Variants in SPOCK3 observed in about 807,000 individuals in gnomAD.
The protein encoded by SPOCK3 is testican-3.
Under a neutral mutation model 56.6 loss-of-function variants are expected in SPOCK3, and 30 were observed. The ratio of observed to expected loss-of-function variants is 0.53; its 90% CI spans 0.40 to 0.72. The LOEUF (loss-of-function observed/expected upper bound fraction) is 0.72, where lower values mean the gene tolerates loss of function less well. SPOCK3 is among the 30% of genes least tolerant of loss of function. SPOCK3 has a pLI of 0.00. For synonymous variants in SPOCK3, 196 were observed against 183.3 expected, an observed-to-expected ratio of 1.07 and a Z score of -0.56; for missense variants, 527 against 530.0, an observed-to-expected ratio of 0.99 and a Z score of 0.06.
chr4:166,949,587 G>C (rs1027799037), intron 4 of SPOCK3, among the ~76,000 whole-genome samples: 1 of 152,116 alleles, frequency 6.6e-6, no homozygotes, highest in African/African-American at 2.4e-5. Context: ...ACGTCTGTTG[G>C]AGTTTCCTAG....
At chr4:166,766,798 G>T (rs1484737702) in intron 7 of SPOCK3, among the ~76,000 whole-genome samples, 1 of 152,104 alleles carries the variant, frequency 6.6e-6, no homozygotes, top group South Asian at 2.1e-4. Flanking sequence ...GTAGAATTTG[G>T]CTGTGAATCC....
chr4:167,092,489 A>G (rs1238773507), intron 2 of SPOCK3, among the ~76,000 whole-genome samples: 1 of 152,128 alleles, frequency 6.6e-6, no homozygotes, highest in Non-Finnish European at 1.5e-5. Context: ...CTGATTTGAT[A>G]AAATGTATTT....
intron 4 of SPOCK3, among the ~76,000 whole-genome samples, chr4:166,941,889 A>C (rs906237826): frequency 2.0e-5 from 3 of 152,188 alleles, no homozygotes; most frequent in African/African-American, 7.2e-5. Flanking sequence ...ACTCCAGCCT[A>C]GCCAAAGCTT....
At chr4:166,994,485 G>A (rs1748148476) in intron 4 of SPOCK3, among the ~76,000 whole-genome samples, 1 of 152,108 alleles carries the variant, frequency 6.6e-6, no homozygotes, top group Non-Finnish European at 1.5e-5. Flanking sequence ...ATTTCCTGCT[G>A]TAAGAAATCT....
intron 2 of SPOCK3, among the ~76,000 whole-genome samples, chr4:167,225,772 A>T (rs1231348259): frequency 6.8e-6 from 1 of 147,412 alleles, no homozygotes; most frequent in Non-Finnish European, 1.5e-5. Flanking sequence ...CTCGCATGTT[A>T]AGAAAAAAAA....
intron 2 of SPOCK3, among the ~76,000 whole-genome samples, chr4:167,128,305 CCAAA>C (rs575563228): frequency 1.2e-3 from 178 of 152,248 alleles, no homozygotes; most frequent in Non-Finnish European, 1.0e-3. Flanking sequence ...TCTTTTATTG[CCAAA>C]CAAAGGCTTT....
intron 7 of SPOCK3, among the ~76,000 whole-genome samples, chr4:166,773,287 C>G (rs562642184): frequency 5.3e-5 from 8 of 152,134 alleles, no homozygotes; most frequent in African/African-American, 1.9e-4. Flanking sequence ...TTAAGCAAAA[C>G]CTTTGTAAGT....
At chr4:166,869,177 G>GTGCTGCTAAAAGGA (rs140320780) in intron 6 of SPOCK3, among the ~76,000 whole-genome samples, 11,644 of 152,060 alleles carry the variant, frequency 0.077, 531 homozygotes, top group Non-Finnish European at 0.1. Flanking sequence ...TGCAGGATCA[G>GTGCTGCTAAAAGGA]CAGGAATAGC....
chr4:167,005,143 G>A (rs562051627), intron 3 of SPOCK3, among the ~76,000 whole-genome samples: 8 of 152,182 alleles, frequency 5.3e-5, no homozygotes, highest in South Asian at 2.1e-4. Flanking sequence ...AACAGAGAAC[G>A]CAGGCACCAT....
intron 8 of SPOCK3, among the ~76,000 whole-genome samples, chr4:166,745,576 TA>T (rs1203220345): frequency 6.6e-6 from 1 of 152,178 alleles, no homozygotes; most frequent in Non-Finnish European, 1.5e-5. Flanking sequence ...AGAAACTGCA[TA>T]AACTAATAGG....
chr4:167,088,712 C>CAG (rs1758433797), intron 2 of SPOCK3, among the ~76,000 whole-genome samples: 2 of 152,028 alleles, frequency 1.3e-5, no homozygotes, highest in East Asian at 1.9e-4. Context: ...ATCGGCCCTC[C>CAG]TGGGCCTCCC....
chr4:166,983,662 T>A (rs2150097765), intron 4 of SPOCK3, among the ~76,000 whole-genome samples: 1 of 152,146 alleles, frequency 6.6e-6, no homozygotes, highest in African/African-American at 2.4e-5. Flanking sequence ...TAATAAAATC[T>A]GATGTGATTA....
chr4:166,887,899 G>A (rs1050671501), intron 6 of SPOCK3, among the ~76,000 whole-genome samples: 5 of 150,846 alleles, frequency 3.3e-5, no homozygotes, highest in East Asian at 3.9e-4. Context: ...GAAAGGCAGC[G>A]TGGCATCTCT....
intron 8 of SPOCK3, among the ~76,000 whole-genome samples, chr4:166,742,508 C>T (rs1734987145): frequency 6.6e-6 from 1 of 152,090 alleles, no homozygotes; most frequent in African/African-American, 2.4e-5. Flanking sequence ...GTTTTCCCCT[C>T]ATTTAAAAGT....
At chr4:166,895,220 C>G (rs1046425412) in intron 5 of SPOCK3, among the ~76,000 whole-genome samples, 11 of 151,812 alleles carry the variant, frequency 7.2e-5, no homozygotes, top group Non-Finnish European at 1.0e-4. Flanking sequence ...TTTACTTACT[C>G]TTAACTTACA....
chr4:166,810,168 C>T (rs1384829801), intron 6 of SPOCK3, among the ~76,000 whole-genome samples: 1 of 152,074 alleles, frequency 6.6e-6, no homozygotes, highest in Non-Finnish European at 1.5e-5. Context: ...GTGTCTTGTC[C>T]TTTATTGCAG....
intron 9 of SPOCK3, among the ~76,000 whole-genome samples, chr4:166,739,106 T>C (rs1241768079): frequency 1.3e-5 from 2 of 152,182 alleles, no homozygotes; most frequent in African/African-American, 4.8e-5. Flanking sequence ...TGTGTTCCTA[T>C]TTCTCCACAT....
chr4:166,765,312 C>G (rs1044805738), intron 7 of SPOCK3, among the ~76,000 whole-genome samples: 8 of 152,038 alleles, frequency 5.3e-5, no homozygotes, highest in South Asian at 2.1e-4. Flanking sequence ...GGGTTTTTAT[C>G]GTTTTAGGTC....
intron 7 of SPOCK3, among the ~76,000 whole-genome samples, chr4:166,787,971 C>T (rs1177626767): frequency 4.6e-5 from 7 of 152,128 alleles, no homozygotes; most frequent in Non-Finnish European, 1.5e-5. Context: ...CACCTGAGGT[C>T]AGGAGTTTGA....
Sources: gnomAD v4.1 joint callset for allele counts (sites outside exome capture counted in the v4.1 genomes callset) on GRCh38, gnomAD v4.1.1 for gene constraint, MANE v1.5 for transcripts, NCBI Gene and HGNC (gene_info 2026-07-23, HGNC 2026-07-21) for gene names.